Variants in SMURF1 observed in about 807,000 individuals in gnomAD.
The protein encoded by SMURF1 is SMAD specific E3 ubiquitin protein ligase 1.
A neutral mutation model predicts 98.0 loss-of-function variants in SMURF1; 44 were observed. That is an observed-to-expected ratio of 0.45 (90% CI 0.35 to 0.58). The LOEUF is 0.58. SMURF1 is among the 20% of genes least tolerant of loss of function. SMURF1 has a pLI of 0.00. For synonymous variants in SMURF1, 396 were observed against 374.9 expected (o/e 1.06, Z -0.65); for missense variants, 687 against 938.4 (o/e 0.73, Z 3.50).
chr7:99,048,076 T>C, intron 9 of SMURF1, 194 bp from the exon 10 acceptor site: 5 of 594,638 alleles, frequency 8.4e-6, no homozygotes, highest in East Asian at 5.8e-5. Flanking sequence ...CCTAAATGTA[T>C]GTCTACAGTA....
intron 1 of SMURF1, among the ~76,000 whole-genome samples, chr7:99,083,731 C>T (rs1380612667): frequency 1.3e-5 from 2 of 152,172 alleles, no homozygotes; most frequent in African/African-American, 4.8e-5. Flanking sequence ...ATTTCAAACC[C>T]CCCCAAAATG....
In SMURF1 at chr7:99,033,188, C is replaced by T. The variant is rs897746575; in HGVS notation, c.2012-67G>A. 2.0e-6 allele frequency: 3 copies of T among 1,482,356 alleles called. No individual in the cohort carries two copies. In the Admixed American group the frequency reaches 5.9e-5, roughly 29 times the overall value. 91.8% of individuals were successfully genotyped at this position (1,482,356 alleles called of 1,614,324 possible). A position where few individuals can be genotyped will look rare whatever the true frequency, so the allele number is the denominator to read the frequency against. ...GCCGTGGCGCTTCCCGGCCACACAG[C>T]CCCCAGGAGCAGGGCCCTGACCACA... On this transcript the variant is annotated intron_variant, in intron 16 of 17. Coordinates refer to ENST00000361368, the MANE Select transcript of SMURF1 (RefSeq NM_181349.3).
intron 2 of SMURF1, among the ~76,000 whole-genome samples, chr7:99,061,297 G>T (rs965398835): frequency 6.6e-6 from 1 of 152,196 alleles, no homozygotes; most frequent in African/African-American, 2.4e-5. Flanking sequence ...AGTGTGTGAA[G>T]AATTTAATGC....
At chr7:99,044,088 G>C (rs1795489047) in intron 11 of SMURF1, among the ~76,000 whole-genome samples, 1 of 152,130 alleles carries the variant, frequency 6.6e-6, no homozygotes, top group Non-Finnish European at 1.5e-5. Context: ...AAGGCGGGAG[G>C]ATCACCTGAG....
intron 14 of SMURF1, 136 bp downstream of exon 14, chr7:99,038,252 C>T: frequency 9.2e-7 from 1 of 1,082,966 alleles, no homozygotes; most frequent in Non-Finnish European, 1.3e-6. Context: ...CTGAAAGTCG[C>T]CTCTGTTCAT....
At chr7:99,108,299 C>G (rs1018878610) in intron 1 of SMURF1, among the ~76,000 whole-genome samples, 1 of 150,018 alleles carries the variant, frequency 6.7e-6, no homozygotes, top group Non-Finnish European at 1.5e-5. Flanking sequence ...CTCACTGCAA[C>G]CTCCGCCACC....
chr7:99,130,278 C>T (rs1797843288), intron 1 of SMURF1, among the ~76,000 whole-genome samples: 2 of 151,978 alleles, frequency 1.3e-5, no homozygotes, highest in African/African-American at 4.8e-5. Flanking sequence ...CATGGTGAAA[C>T]CTATCTCTAC....
intron 11 of SMURF1, among the ~76,000 whole-genome samples, chr7:99,044,583 A>G (rs1471798910): frequency 6.6e-6 from 1 of 152,238 alleles, no homozygotes; most frequent in African/African-American, 2.4e-5. Context: ...AATGCTGAAG[A>G]GAAAGTTGTA....
chr7:99,118,491 G>A (rs1027484512), intron 1 of SMURF1, among the ~76,000 whole-genome samples: 2 of 152,136 alleles, frequency 1.3e-5, no homozygotes, highest in East Asian at 1.9e-4. Flanking sequence ...TACAAGTTAC[G>A]ACAGGATTGA....
intron 3 of SMURF1, among the ~76,000 whole-genome samples, chr7:99,059,681 G>A (rs1350750412): frequency 6.6e-6 from 1 of 151,762 alleles, no homozygotes; most frequent in Non-Finnish European, 1.5e-5. Flanking sequence ...AGGCTGAGGC[G>A]GGTGGATCAT....
intron 3 of SMURF1, among the ~76,000 whole-genome samples, chr7:99,059,225 C>T (rs1338415408): frequency 1.3e-5 from 2 of 150,506 alleles, no homozygotes; most frequent in Admixed American, 1.3e-4. Context: ...CGGTGAAACC[C>T]CGTCTCTACT....
Position 99,051,425 on chromosome 7 carries a change from G to A in SMURF1, c.738C>T (p.Val246=). 6.2e-7 allele frequency: 1 copy of A among 1,614,006 alleles called. No homozygotes were observed. The highest frequency in any genetic ancestry group is 8.5e-7 in the Non-Finnish European group (1 of 1,179,938). The change falls in exon 8 of 18, where the codon GTC becomes GTT. Residue 246 remains valine, a synonymous_variant. Transcript: ENST00000361368. ...LPEGYEQRTT[V]QGQVYFLHTQ... ...TATGCAAAAAGTAAACTTGGCCCTG[G>A]ACTGTTGTTCTTTGTTCTACACAAG...
At chr7:99,051,904 T>G (rs1795761380) in intron 7 of SMURF1, among the ~76,000 whole-genome samples, 1 of 152,244 alleles carries the variant, frequency 6.6e-6, no homozygotes. Context: ...ATCCCAGCAC[T>G]TGGGCGGCTG....
chr7:99,065,303 G>A (rs962298378), intron 1 of SMURF1, among the ~76,000 whole-genome samples: 2 of 152,070 alleles, frequency 1.3e-5, no homozygotes, highest in Non-Finnish European at 2.9e-5. Flanking sequence ...GCCCAGGCGG[G>A]TCTGAAACTC....
intron 1 of SMURF1, among the ~76,000 whole-genome samples, chr7:99,103,272 G>A (rs188127320): frequency 4.6e-5 from 7 of 152,194 alleles, no homozygotes; most frequent in African/African-American, 7.2e-5. Flanking sequence ...GTATACATAC[G>A]CCTGTGTTCA....
At chr7:99,064,699 T>C (rs1796144543) in intron 1 of SMURF1, among the ~76,000 whole-genome samples, 1 of 152,242 alleles carries the variant, frequency 6.6e-6, no homozygotes, top group Non-Finnish European at 1.5e-5. Flanking sequence ...TATTTCTGTA[T>C]AGTCAATAGT....
Position 99,029,620 on chromosome 7 carries a change from A to C in SMURF1, c.*964T>G. On this transcript the variant is annotated 3_prime_UTR_variant, in exon 18 of 18. Transcript: ENST00000361368. Reference sequence around the variant, plus strand: ...CATTGCTTTTAAGCGAGTTCACACCAAGCCAGCAGCTATGATGACACAATT... The same window carrying C: ...CATTGCTTTTAAGCGAGTTCACACCCAGCCAGCAGCTATGATGACACAATT... 6.6e-6 allele frequency: 1 copy of C among 152,226 alleles called. No homozygotes were observed. Among genetic ancestry groups the C allele is most frequent in the Admixed American group, 6.5e-5 (1 of 15,282 alleles). The allele number at this position is 152,226 out of a possible 1,614,324, so 9.4% of individuals were successfully genotyped here.
intron 1 of SMURF1, among the ~76,000 whole-genome samples, chr7:99,132,554 C>A (rs570031343): frequency 6.6e-6 from 1 of 152,074 alleles, no homozygotes; most frequent in Non-Finnish European, 1.5e-5. Context: ...GCTGCCTGAT[C>A]GTGAGTGAGG....
At chr7:99,030,822 A>G in intron 17 of SMURF1, 139 bp from the exon 18 acceptor site, 2 of 596,776 alleles carry the variant, frequency 3.4e-6, no homozygotes, top group East Asian at 2.8e-5. Context: ...TGAGTTCTCC[A>G]TGTCCCCTGT....
Sources: gnomAD v4.1 joint callset for allele counts (sites outside exome capture counted in the v4.1 genomes callset) on GRCh38, gnomAD v4.1.1 for gene constraint, MANE v1.5 for transcripts, NCBI Gene and HGNC (gene_info 2026-07-23, HGNC 2026-07-21) for gene names.